Variants in DNAJC5B observed in about 807,000 individuals in gnomAD.
DNAJC5B encodes dnaJ homolog subfamily C member 5B.
DNAJC5B carries 23 observed loss-of-function variants against 24.7 expected under a neutral mutation model. The observed-to-expected ratio is 0.93, with a 90% CI of 0.67 to 1.32. The LOEUF is 1.32. DNAJC5B is among the 40% of genes most tolerant of loss of function. DNAJC5B has a pLI of 0.00. For synonymous variants in DNAJC5B, 101 were observed against 90.1 expected (o/e 1.12, Z -0.68); for missense variants, 238 against 240.8 (o/e 0.99, Z 0.08).
chr8:66,055,210 G>C (rs1443250358), intron 3 of DNAJC5B, among the ~76,000 whole-genome samples: 1 of 151,612 alleles, frequency 6.6e-6, no homozygotes, highest in Non-Finnish European at 1.5e-5. Context: ...AGGTGATTAG[G>C]GTACTAGTAT....
intron 2 of DNAJC5B, among the ~76,000 whole-genome samples, chr8:66,048,246 A>G (rs1298688767): frequency 1.3e-5 from 2 of 152,020 alleles, no homozygotes; most frequent in Non-Finnish European, 2.9e-5. Context: ...CCTAGAGGGT[A>G]TTGCAAATGT....
chr8:66,047,948 G>A (rs1413837038), intron 2 of DNAJC5B, among the ~76,000 whole-genome samples: 3 of 152,196 alleles, frequency 2.0e-5, no homozygotes, highest in Non-Finnish European at 4.4e-5. Context: ...GCCTCCTGCA[G>A]AATCCTCCCA....
intron 5 of DNAJC5B, among the ~76,000 whole-genome samples, chr8:66,096,467 A>G (rs908549623): frequency 6.6e-6 from 1 of 152,178 alleles, no homozygotes; most frequent in African/African-American, 2.4e-5. Flanking sequence ...AAAGCAGTCA[A>G]ATTTTCCACA....
chr8:66,058,352 G>A (rs1457007943), intron 3 of DNAJC5B, among the ~76,000 whole-genome samples: 1 of 152,140 alleles, frequency 6.6e-6, no homozygotes, highest in African/African-American at 2.4e-5. Context: ...GGTAGATAGA[G>A]GTGGGGAAAG....
upstream of DNAJC5B, chr8:66,021,455 G>GGT (rs1483156874): frequency 6.6e-6 from 1 of 152,250 alleles, no homozygotes; most frequent in Non-Finnish European, 1.5e-5. Context: ...TGTCCAAGAG[G>GGT]GCCTCAGCTG....
At chr8:66,083,832 G>C (rs1322555844) in intron 5 of DNAJC5B, among the ~76,000 whole-genome samples, 2 of 152,162 alleles carry the variant, frequency 1.3e-5, no homozygotes, top group African/African-American at 4.8e-5. Flanking sequence ...TCCCCAAAAT[G>C]TCTACAGTCC....
chr8:66,034,176 T>TTGTGTGTGTGTGTGTGTGTGTGTG (rs60916429), intron 1 of DNAJC5B, among the ~76,000 whole-genome samples: 21 of 144,300 alleles, frequency 1.5e-4, no homozygotes, highest in South Asian at 4.5e-4. Flanking sequence ...TGTTGTTGTT[T>TTGTGTGTGTGTGTGTGTGTGTGTG]TGTGTGTGTG....
intron 1 of DNAJC5B, among the ~76,000 whole-genome samples, chr8:66,026,780 G>C (rs981119408): frequency 1.4e-4 from 22 of 152,244 alleles, no homozygotes; most frequent in African/African-American, 1.7e-4. Context: ...ACCTCAGAAG[G>C]GGGAAGGTTA....
At chr8:66,066,535 A>T (rs1207839779) in intron 3 of DNAJC5B, among the ~76,000 whole-genome samples, 1 of 152,230 alleles carries the variant, frequency 6.6e-6, no homozygotes, top group African/African-American at 2.4e-5. Flanking sequence ...TACATCATGG[A>T]ATACTACTCA....
At chr8:66,060,814 C>T (rs1397427269) in intron 3 of DNAJC5B, among the ~76,000 whole-genome samples, 3 of 152,198 alleles carry the variant, frequency 2.0e-5, no homozygotes, top group Non-Finnish European at 4.4e-5. Context: ...GTTCATTATT[C>T]AACGAATATG....
At chr8:66,036,864 A>T (rs1337613339) in intron 1 of DNAJC5B, among the ~76,000 whole-genome samples, 1 of 152,160 alleles carries the variant, frequency 6.6e-6, no homozygotes, top group Non-Finnish European at 1.5e-5. Flanking sequence ...CACTTGCTGG[A>T]TGTTCACGCC....
intron 3 of DNAJC5B, among the ~76,000 whole-genome samples, chr8:66,063,481 C>A (rs1255843380): frequency 6.6e-6 from 1 of 152,176 alleles, no homozygotes; most frequent in African/African-American, 2.4e-5. Flanking sequence ...TAATCTCTAT[C>A]AAGCACTAAT....
chr8:66,034,486 G>T (rs1806437097), intron 1 of DNAJC5B, among the ~76,000 whole-genome samples: 1 of 152,008 alleles, frequency 6.6e-6, no homozygotes, highest in Non-Finnish European at 1.5e-5. Context: ...AAGAGCTGAA[G>T]AAAGGGACCC....
At chr8:66,066,024 G>A (rs903220381) in intron 3 of DNAJC5B, among the ~76,000 whole-genome samples, 3 of 152,188 alleles carry the variant, frequency 2.0e-5, no homozygotes, top group Non-Finnish European at 2.9e-5. Context: ...CTGGCTCTAC[G>A]TGGCTGGAAA....
At chr8:66,076,941 C>T in intron 4 of DNAJC5B, 68 bp downstream of exon 4, 1 of 1,535,792 alleles carries the variant, frequency 6.5e-7, no homozygotes, top group Middle Eastern at 1.7e-4. Context: ...TTTTAGATTC[C>T]ATCTCAAAGG....
intron 5 of DNAJC5B, among the ~76,000 whole-genome samples, chr8:66,085,625 A>G (rs1807706965): frequency 6.6e-6 from 1 of 151,960 alleles, no homozygotes. Context: ...ACCTATTCCT[A>G]TACTCTCTAG....
chr8:66,084,494 A>C (rs994891230), intron 5 of DNAJC5B, among the ~76,000 whole-genome samples: 1 of 152,148 alleles, frequency 6.6e-6, no homozygotes, highest in African/African-American at 2.4e-5. Context: ...AAAAAATCTT[A>C]GGATTTTAGA....
chr8:66,090,921 T>G (rs1474122759), intron 5 of DNAJC5B, among the ~76,000 whole-genome samples: 1 of 152,216 alleles, frequency 6.6e-6, no homozygotes, highest in Non-Finnish European at 1.5e-5. Flanking sequence ...ATGCTTTGCT[T>G]CTTCTTTATA....
At chr8:66,090,200 G>T (rs760328895) in intron 5 of DNAJC5B, among the ~76,000 whole-genome samples, 6 of 151,798 alleles carry the variant, frequency 4.0e-5, no homozygotes, top group Non-Finnish European at 8.8e-5. Context: ...TTGAGAGAGA[G>T]CCTTGTTTCA....
Sources: allele counts gnomAD v4.1 joint callset (sites outside exome capture counted in the v4.1 genomes callset), GRCh38; gene constraint gnomAD v4.1.1; transcripts MANE v1.5; gene names NCBI Gene and HGNC (gene_info 2026-07-23, HGNC 2026-07-21).